Variants in CD58 observed in about 807,000 individuals in gnomAD.
CD58 encodes CD58 molecule, also known as lymphocyte function-associated antigen 3.
CD58 carries 14 observed loss-of-function variants against 27.6 expected under a neutral mutation model. That is an observed-to-expected ratio of 0.51 (90% CI 0.34 to 0.79). The LOEUF (loss-of-function observed/expected upper bound fraction) is 0.79. Ranked by LOEUF, CD58 falls within the 30% of genes least tolerant of loss-of-function variation. The pLI is 0.02. For missense variants in CD58, 268 were observed against 301.7 expected (o/e 0.89, Z 0.83); for synonymous variants, 117 against 103.8 (o/e 1.13, Z -0.77).
chr1:116,558,629 C>G (rs1398920436), intron 1 of CD58, among the ~76,000 whole-genome samples: 2 of 152,170 alleles, frequency 1.3e-5, no homozygotes, highest in African/African-American at 4.8e-5. Flanking sequence ...AATGTGCTTA[C>G]CAGGCATGGA....
At chr1:116,539,079 T>C (rs921909313) in intron 2 of CD58, among the ~76,000 whole-genome samples, 6 of 152,218 alleles carry the variant, frequency 3.9e-5, no homozygotes, top group Non-Finnish European at 5.9e-5. Flanking sequence ...GTACTTACTC[T>C]ATCAGACTGT....
In CD58 at chr1:116,536,449, C is replaced by T. The variant is rs527520990; in HGVS notation, c.365-221G>A. Among the ~76,000 whole-genome samples the T allele has an allele frequency of 1.2e-4, 18 of 152,224 alleles. No individual in the cohort carries two copies. The highest frequency in any genetic ancestry group is 2.1e-4 in the South Asian group (1 of 4,816). On this transcript the variant is annotated intron_variant, in intron 2 of 5. Transcript: ENST00000369489. The surrounding 1 kb of genome is among the most constrained non-coding windows in gnomAD (Gnocchi z 5.4). ...ACCCTGATATGGTTTGGCTCTGGGT[C>T]CTCACCCAAATCTCATCTTGAATTG... is the stretch of plus-strand genomic sequence containing the variant.
rs535523214 is a variant in CD58, at chr1:116,550,029, G to GA, written c.71-5426dup. On this transcript the variant is annotated intron_variant, in intron 1 of 5. Coordinates refer to ENST00000369489, the MANE Select transcript of CD58 (RefSeq NM_001779.3). The surrounding 1 kb of genome is among the most constrained non-coding windows in gnomAD (Gnocchi z 4.2). ...TTTAATTAAAAAATACTTTATTGCT[G>GA]AAAAAAAAAACATGCTAACAATCAT... Among the ~76,000 whole-genome samples, 1,314 of 148,154 alleles carry GA rather than the reference G, an allele frequency of 8.9e-3. 13 individuals carry two copies. The highest frequency in any genetic ancestry group is 0.029 in the African/African-American group (1,182 of 40,522).
intron 1 of CD58, among the ~76,000 whole-genome samples, chr1:116,547,919 G>A (rs617742): frequency 9.2e-5 from 14 of 152,210 alleles, no homozygotes; most frequent in African/African-American, 3.4e-4. Flanking sequence ...CCCACCAGCA[G>A]TGTACAGGTG....
chr1:116,533,334 A>G lies in CD58; in HGVS notation c.628+2631T>C, dbSNP rs1366377648. The G allele has an allele frequency of 5.1e-6, 7 of 1,366,652 alleles. No homozygotes were observed. In the African/African-American group the frequency reaches 7.2e-5, roughly 14 times the overall value. 84.7% of individuals were successfully genotyped at this position (1,366,652 alleles called of 1,614,324 possible). The stretch of plus-strand genomic sequence containing the variant: ...AACATTCTTTCCTTTCTTCCAGTCA[A>G]TAGTACACCCATCGCAGTCCATGAT... On this transcript the variant is annotated intron_variant, in intron 3 of 5. Coordinates refer to ENST00000369489, the MANE Select transcript of CD58 (RefSeq NM_001779.3).
chr1:116,570,869 C>T lies in CD58; in HGVS notation c.70+34G>A. On this transcript the variant is annotated intron_variant, in intron 1 of 5. Transcript: ENST00000369489. The surrounding 1 kb of genome is among the most constrained non-coding windows in gnomAD (Gnocchi z 6.4). ...CTGGGTGCTGCCCAGTACCCGCCGG[C>T]CGGCGCGGGGCCCCTGGGGCAGGCT... The T allele has an allele frequency of 6.6e-7, 1 of 1,522,596 alleles. No individual in the cohort carries two copies. 94.3% of individuals were successfully genotyped at this position (1,522,596 alleles called of 1,614,324 possible).
rs1306776626 is a variant in CD58, at chr1:116,531,844, A to G, written c.628+4121T>C. Among the ~76,000 whole-genome samples, 1 of 152,250 alleles carries G rather than the reference A, an allele frequency of 6.6e-6. No individual in the cohort carries two copies. Among genetic ancestry groups the G allele is most frequent in the Admixed American group, 6.5e-5 (1 of 15,286 alleles). On this transcript the variant is annotated intron_variant, in intron 3 of 5. Coordinates refer to ENST00000369489, the MANE Select transcript of CD58 (RefSeq NM_001779.3). This position sits in a 1 kb window ranked among gnomAD's most constrained non-coding sequence, Gnocchi z 4.5. The stretch of plus-strand genomic sequence containing the variant: ...TCAGTTATAAATGTGTTCTAAGGTT[A>G]GGCTGAGCACTCTCTACAGGCCTGG...
At chr1:116,569,832 C>G (rs1050431959) in intron 1 of CD58, among the ~76,000 whole-genome samples, 6 of 152,116 alleles carry the variant, frequency 3.9e-5, no homozygotes, top group African/African-American at 1.4e-4. Flanking sequence ...CGATTCCTGG[C>G]CTCAAGTGAT....
rs759563450 is a variant in CD58 at position 116,570,289 on chromosome 1, A to G, written c.70+614T>C. On this transcript the variant is annotated intron_variant, in intron 1 of 5. Transcript: ENST00000369489. This position sits in a 1 kb window ranked among gnomAD's most constrained non-coding sequence, Gnocchi z 6.4. ...ACCAGTTCTGATACTAGTTTTTAGG[A>G]TTTGAGGGGAGGAAAAAGGAGCAGG... Among the ~76,000 whole-genome samples the G allele has an allele frequency of 6.6e-6, 1 of 152,128 alleles. No individual in the cohort carries two copies. Among genetic ancestry groups the G allele is most frequent in the Non-Finnish European group, 1.5e-5 (1 of 68,020 alleles).
At chr1:116,539,903 A>ATAAT (rs1353154119) in intron 2 of CD58, among the ~76,000 whole-genome samples, 1 of 152,258 alleles carries the variant, frequency 6.6e-6, no homozygotes, top group Admixed American at 6.5e-5. Context: ...TAGTCAATTT[A>ATAAT]TAATTAATGA....
chr1:116,532,954 C>CGCCGGCT lies in CD58; in HGVS notation c.628+3004_628+3010dup. 9.3e-7 allele frequency: 1 copy of CGCCGGCT among 1,069,678 alleles called. No homozygotes were observed. The highest frequency in any genetic ancestry group is 1.3e-5 in the South Asian group (1 of 75,082). The allele number at this position is 1,069,678 out of a possible 1,614,324, so 66.3% of individuals were successfully genotyped here. A position where few individuals can be genotyped will look rare whatever the true frequency, so the allele number is the denominator to read the frequency against. On this transcript the variant is annotated intron_variant, in intron 3 of 5. Transcript: ENST00000369489. This position sits in a 1 kb window ranked among gnomAD's most constrained non-coding sequence, Gnocchi z 5.1. ...CCACTTCCTACTGCTGCTTGCATTC[C>CGCCGGCT]GCCGGCTGGCTGGGTTCCTTGTTGG...
At position 116,563,434 on chromosome 1, in the gene CD58, G is replaced by A. The variant is rs890471503; in HGVS notation, c.70+7469C>T. On this transcript the variant is annotated intron_variant, in intron 1 of 5. Coordinates refer to ENST00000369489, the MANE Select transcript of CD58 (RefSeq NM_001779.3). This position sits in a 1 kb window ranked among gnomAD's most constrained non-coding sequence, Gnocchi z 4.1. ...GCTCCACTAGGCGGTGCCCCAGTGG[G>A]GACTCTGTGTGGGGGCTCCAACTCC... Among the ~76,000 whole-genome samples the A allele has an allele frequency of 6.6e-6, 1 of 152,054 alleles. No individual in the cohort carries two copies. The highest frequency in any genetic ancestry group is 2.4e-5 in the African/African-American group (1 of 41,382).
At chr1:116,530,646 GATAAAGC>G (rs1657573712) in intron 3 of CD58, among the ~76,000 whole-genome samples, 1 of 152,154 alleles carries the variant, frequency 6.6e-6, no homozygotes, top group African/African-American at 2.4e-5. Context: ...TTGCTTCACT[GATAAAGC>G]ATTGGAAAGT....
In CD58 at chr1:116,517,774, G is replaced by A. The variant is rs150473067; in HGVS notation, c.743+1457C>T. On this transcript the variant is annotated intron_variant, in intron 5 of 5. Coordinates refer to ENST00000369489, the MANE Select transcript of CD58 (RefSeq NM_001779.3). This position sits in a 1 kb window ranked among gnomAD's most constrained non-coding sequence, Gnocchi z 6.5. ...TCAATTACTGTCCAGATGAAGAGGC[G>A]CCCCAATCCGTAACTCTAGCGTGAA... 2.0e-5 allele frequency among the ~76,000 whole-genome samples: 3 copies of A among 152,138 alleles called. No individual in the cohort carries two copies. The highest frequency in any genetic ancestry group is 6.5e-5 in the Admixed American group (1 of 15,278).
chr1:116,549,185 T>C (rs1658301977), intron 1 of CD58, among the ~76,000 whole-genome samples: 1 of 152,196 alleles, frequency 6.6e-6, no homozygotes, highest in African/African-American at 2.4e-5. Context: ...GTTGACATTC[T>C]ATTAGGGGAG....
At chr1:116,553,814 G>A (rs1039127818) in intron 1 of CD58, among the ~76,000 whole-genome samples, 9 of 152,138 alleles carry the variant, frequency 5.9e-5, no homozygotes, top group African/African-American at 2.2e-4. Flanking sequence ...GTGGGAAAAG[G>A]CAGCTTGGAC....
rs947049817 is a variant in CD58 at position 116,522,843 on chromosome 1, A to C, written c.629-860T>G. The stretch of plus-strand genomic sequence containing the variant: ...CAGTTGTATATAATAAGCCTTAAAA[A>C]TATTTATCATGAAGCATCTAGACAT... On this transcript the variant is annotated intron_variant, in intron 3 of 5. Coordinates refer to ENST00000369489, the MANE Select transcript of CD58 (RefSeq NM_001779.3). The surrounding 1 kb of genome is among the most constrained non-coding windows in gnomAD (Gnocchi z 4.6). Among the ~76,000 whole-genome samples the C allele has an allele frequency of 6.6e-6, 1 of 152,212 alleles. No individual in the cohort carries two copies. Among genetic ancestry groups the C allele is most frequent in the Admixed American group, 6.5e-5 (1 of 15,286 alleles).
intron 1 of CD58, among the ~76,000 whole-genome samples, chr1:116,562,125 A>G (rs1571091060): frequency 6.6e-6 from 1 of 152,174 alleles, no homozygotes; most frequent in South Asian, 2.1e-4. Flanking sequence ...GGACAAATAC[A>G]TTGTCATCTA....
intron 1 of CD58, among the ~76,000 whole-genome samples, chr1:116,547,504 T>C (rs1239449835): frequency 6.6e-6 from 1 of 151,840 alleles, no homozygotes; most frequent in African/African-American, 2.4e-5. Flanking sequence ...TTTTTTTTTG[T>C]ATTTTTAGTA....
Sources: gnomAD v4.1 joint callset for allele counts (sites outside exome capture counted in the v4.1 genomes callset) on GRCh38, gnomAD v4.1.1 for gene constraint, Gnocchi (gnomAD v3.1) non-coding constraint, MANE v1.5 for transcripts, NCBI Gene and HGNC (gene_info 2026-07-23, HGNC 2026-07-21) for gene names.